The following NELL2 variants were observed in gnomAD, a reference collection of about 807,000 sequenced individuals.
The protein encoded by NELL2 is neural EGFL like 2, also known as protein kinase C-binding protein NELL2.
Under a neutral mutation model 109.6 loss-of-function variants are expected in NELL2, and 41 were observed. The observed-to-expected ratio is 0.37, with a 90% CI of 0.29 to 0.49. The LOEUF (loss-of-function observed/expected upper bound fraction) is 0.49, where lower values mean the gene tolerates loss of function less well. Among genes scored for constraint, NELL2 ranks in the 20% least tolerant of loss-of-function variants. NELL2 has a pLI of 0.98. For missense variants in NELL2, 900 were observed against 1,008.3 expected (o/e 0.89, Z 1.45); for synonymous variants, 355 against 344.7 (o/e 1.03, Z -0.33).
intron 15 of NELL2, among the ~76,000 whole-genome samples, chr12:44,605,543 T>A (rs781321560): frequency 6.6e-6 from 1 of 152,160 alleles, no homozygotes; most frequent in Non-Finnish European, 1.5e-5. Context: ...TATTTTTAAC[T>A]CCAGTCTTAA....
At chr12:44,527,898 CT>C (rs553862024) in intron 16 of NELL2, among the ~76,000 whole-genome samples, 176 of 151,920 alleles carry the variant, frequency 1.2e-3, no homozygotes, top group Middle Eastern at 3.4e-3. Flanking sequence ...CTGAGACCAT[CT>C]CTGGCTAACA....
At position 44,520,050 on chromosome 12, in the gene NELL2, G is replaced by A. The variant is rs1410387312; in HGVS notation, c.2355C>T (p.Ser785=). ...DEMNVVRFTG[S]SWIKHGTECT... ...ACTCAGTGCCATGTTTGATCCAAGA[G>A]GACCCGGTGAAGCGAACCACATTCA... Residue 785 remains serine (S), a synonymous_variant, in exon 19 of 20, where the codon TCC becomes TCT. Coordinates refer to ENST00000429094, the MANE Select transcript of NELL2 (RefSeq NM_001145108.2). The A allele has an allele frequency of 6.2e-7, 1 of 1,614,058 alleles. No individual in the cohort carries two copies. The highest frequency in any genetic ancestry group is 8.5e-7 in the Non-Finnish European group (1 of 1,180,048).
At chr12:44,783,199 T>C (rs942933386) in intron 3 of NELL2, among the ~76,000 whole-genome samples, 1 of 151,184 alleles carries the variant, frequency 6.6e-6, no homozygotes. Flanking sequence ...AAAATTAAAA[T>C]TAAATATCAA....
At chr12:44,573,671 T>C (rs1408754497) in intron 15 of NELL2, among the ~76,000 whole-genome samples, 3 of 152,120 alleles carry the variant, frequency 2.0e-5, no homozygotes, top group South Asian at 4.1e-4. Flanking sequence ...TCACAGAATA[T>C]ATGGTTGGAA....
At chr12:44,669,290 T>C (rs1179257803) in intron 12 of NELL2, among the ~76,000 whole-genome samples, 1 of 152,238 alleles carries the variant, frequency 6.6e-6, no homozygotes, top group Non-Finnish European at 1.5e-5. Context: ...GAGAGGCTGT[T>C]ACACCACATG....
chr12:44,703,544 A>C (rs933216433), intron 12 of NELL2, among the ~76,000 whole-genome samples, 182 bp downstream of exon 12: 1 of 152,236 alleles, frequency 6.6e-6, no homozygotes, highest in East Asian at 1.9e-4. Context: ...TGTGACATAT[A>C]GCAGATAGCT....
At chr12:44,904,893 G>A (rs1431450082) in intron 1 of NELL2, among the ~76,000 whole-genome samples, 2 of 152,008 alleles carry the variant, frequency 1.3e-5, no homozygotes, top group Non-Finnish European at 2.9e-5. Flanking sequence ...AAAAAAAAGT[G>A]GCCTGATGGT....
In NELL2 at chr12:44,610,939, G is replaced by A. The variant is rs1473127833; in HGVS notation, c.1476C>T (p.Asn492=). ...TGAAGCATAAAGCATTTTCATCACA[G>A]TTGTGCTGATTTGTGATACACTCAT... ...EHDECITNQH[N]CDENALCFNT... The change falls in exon 14 of 20, where the codon AAC becomes AAT. Residue 492 remains asparagine (N), a synonymous_variant. Transcript: ENST00000429094. 4 of 1,612,690 alleles carry A rather than the reference G, an allele frequency of 2.5e-6. No individual in the cohort carries two copies. The highest frequency in any genetic ancestry group is 1.7e-4 in the Middle Eastern group (1 of 6,056).
At chr12:44,846,970 A>C (rs1219740310) in intron 2 of NELL2, among the ~76,000 whole-genome samples, 1 of 152,230 alleles carries the variant, frequency 6.6e-6, no homozygotes, top group Non-Finnish European at 1.5e-5. Context: ...GGACTTCTGA[A>C]AGTGGCTTTT....
chr12:44,894,920 A>C (rs1255998667), intron 1 of NELL2, among the ~76,000 whole-genome samples: 1 of 152,244 alleles, frequency 6.6e-6, no homozygotes, highest in Non-Finnish European at 1.5e-5. Flanking sequence ...TTGTAGAAAG[A>C]CCAAGAGTTT....
At chr12:44,600,327 T>C (rs1945171764) in intron 15 of NELL2, among the ~76,000 whole-genome samples, 1 of 151,586 alleles carries the variant, frequency 6.6e-6, no homozygotes, top group Non-Finnish European at 1.5e-5. Context: ...TAGAATTCTA[T>C]ACCCAAGAGT....
chr12:44,882,521 C>A (rs1945425930), intron 1 of NELL2, among the ~76,000 whole-genome samples: 2 of 151,430 alleles, frequency 1.3e-5, no homozygotes, highest in Non-Finnish European at 2.9e-5. Flanking sequence ...CACACGCACA[C>A]ATACATATAT....
chr12:44,664,188 C>T (rs1013332815), intron 13 of NELL2, among the ~76,000 whole-genome samples: 5 of 151,940 alleles, frequency 3.3e-5, no homozygotes, highest in African/African-American at 1.2e-4. Context: ...TGTAGTCCTA[C>T]GTCAAGAAAC....
At position 44,508,723 on chromosome 12, in the gene NELL2, T is replaced by C; in HGVS notation, c.*211A>G. 1 of 567,906 alleles carries C rather than the reference T, an allele frequency of 1.8e-6. No individual in the cohort carries two copies. Among genetic ancestry groups the C allele is most frequent in the Non-Finnish European group, 3.2e-6 (1 of 312,292 alleles). The allele number at this position is 567,906 out of a possible 1,614,324, so 35.2% of individuals were successfully genotyped here. On this transcript the variant is annotated 3_prime_UTR_variant, in exon 20 of 20. Transcript: ENST00000429094. ...TTCTACATGGTGATGTGAGACACAG[T>C]AGAGGCAGACTTGAGGTCTAATTTT...
At chr12:44,702,799 G>T (rs929412108) in intron 12 of NELL2, among the ~76,000 whole-genome samples, 6 of 151,542 alleles carry the variant, frequency 4.0e-5, no homozygotes, top group Non-Finnish European at 8.8e-5. Context: ...AAATGAATAA[G>T]GATTTTTAAG....
intron 15 of NELL2, among the ~76,000 whole-genome samples, chr12:44,548,013 T>C (rs1444332704): frequency 6.6e-6 from 1 of 152,162 alleles, no homozygotes; most frequent in African/African-American, 2.4e-5. Flanking sequence ...CAAAACAAAA[T>C]GTGAGCCCTT....
chr12:44,893,469 C>G lies in NELL2; in HGVS notation c.39-17569G>C, dbSNP rs565488677. On this transcript the variant is annotated intron_variant, in intron 1 of 20. Coordinates refer to the NELL2 transcript ENST00000333837. ...CCAATAATAATTTCACATATAGGATCAGTCCTCACTTAACTAACAAGTGTT... is the reference window on the plus strand; with the variant it reads ...CCAATAATAATTTCACATATAGGATGAGTCCTCACTTAACTAACAAGTGTT... 5.3e-5 allele frequency among the ~76,000 whole-genome samples: 8 copies of G among 152,230 alleles called. No homozygotes were observed. In the East Asian group the frequency reaches 1.5e-3, roughly 29 times the overall value.
chr12:44,523,223 A>G, intron 17 of NELL2, 68 bp downstream of exon 17: 1 of 1,503,962 alleles, frequency 6.6e-7, no homozygotes, highest in African/African-American at 1.4e-5. Context: ...ATCAAGCCAT[A>G]TACACACTTA....
intron 9 of NELL2, among the ~76,000 whole-genome samples, chr12:44,735,526 T>A (rs1319675918): frequency 6.6e-6 from 1 of 152,234 alleles, no homozygotes; most frequent in Non-Finnish European, 1.5e-5. Flanking sequence ...GGTTTTGGAA[T>A]TCCAGCTTAT....
Sources: gnomAD v4.1 joint callset for allele counts (sites outside exome capture counted in the v4.1 genomes callset) on GRCh38, gnomAD v4.1.1 for gene constraint, MANE v1.5 for transcripts, NCBI Gene and HGNC (gene_info 2026-07-23, HGNC 2026-07-21) for gene names.